Variants in CRACDL observed in about 807,000 individuals in gnomAD.
CRACDL encodes the protein CRACD like, also known as CRACD-like protein.
CRACDL carries 26 observed loss-of-function variants against 70.6 expected under a neutral mutation model. The ratio of observed to expected loss-of-function variants is 0.37; its 90% CI spans 0.27 to 0.51. The LOEUF is 0.51. Ranked by LOEUF, CRACDL falls within the 20% of genes least tolerant of loss-of-function variation. The pLI is 0.94. For synonymous variants in CRACDL, 618 were observed against 615.2 expected (o/e 1.00, Z -0.07); for missense variants, 1,283 against 1,376.9 (o/e 0.93, Z 1.08).
intron 1 of CRACDL, among the ~76,000 whole-genome samples, chr2:98,920,978 T>G (rs1708788407): frequency 6.6e-6 from 1 of 152,150 alleles, no homozygotes; most frequent in East Asian, 1.9e-4. Context: ...CAGGAAGACA[T>G]GAGGCTGAGG....
intron 1 of CRACDL, among the ~76,000 whole-genome samples, chr2:98,871,701 C>T (rs1215075868): frequency 6.6e-6 from 1 of 152,196 alleles, no homozygotes; most frequent in East Asian, 1.9e-4. Context: ...ATAACAGTGT[C>T]CTGGAAACAT....
At chr2:98,856,826 C>T (rs1706719865) in intron 1 of CRACDL, among the ~76,000 whole-genome samples, 2 of 152,096 alleles carry the variant, frequency 1.3e-5, no homozygotes, top group African/African-American at 4.8e-5. Flanking sequence ...AAGGATGGTC[C>T]CTGCAACAAG....
intron 1 of CRACDL, among the ~76,000 whole-genome samples, chr2:98,849,582 G>A (rs1014874749): frequency 3.9e-5 from 6 of 151,992 alleles, no homozygotes; most frequent in African/African-American, 1.2e-4. Flanking sequence ...CGGGGAGGGG[G>A]GAGCATGGGA....
chr2:98,916,201 C>T (rs534942108), intron 1 of CRACDL, among the ~76,000 whole-genome samples: 1 of 152,234 alleles, frequency 6.6e-6, no homozygotes, highest in Non-Finnish European at 1.5e-5. Flanking sequence ...ACACACACAA[C>T]TACATGGATG....
intron 1 of CRACDL, among the ~76,000 whole-genome samples, chr2:98,872,375 C>G (rs1313473073): frequency 6.6e-6 from 1 of 151,962 alleles, no homozygotes; most frequent in African/African-American, 2.4e-5. Context: ...AAGAAAAGAC[C>G]ACATGTTCTC....
At chr2:98,854,148 A>T (rs1274620155) in intron 1 of CRACDL, among the ~76,000 whole-genome samples, 3 of 151,468 alleles carry the variant, frequency 2.0e-5, no homozygotes, top group African/African-American at 7.3e-5. Context: ...TGGGCGTGGT[A>T]GTGGGCACCT....
chr2:98,841,991 T>A (rs947758676), intron 2 of CRACDL, among the ~76,000 whole-genome samples: 1 of 152,150 alleles, frequency 6.6e-6, no homozygotes, highest in Non-Finnish European at 1.5e-5. Flanking sequence ...AGATTTTTCA[T>A]CCTCTTTGGT....
At chr2:98,934,742 G>T (rs1432801255) in intron 1 of CRACDL, among the ~76,000 whole-genome samples, 2 of 152,138 alleles carry the variant, frequency 1.3e-5, no homozygotes, top group African/African-American at 4.8e-5. Flanking sequence ...ATTTAAGGGG[G>T]TACCAAAAAT....
intron 1 of CRACDL, among the ~76,000 whole-genome samples, chr2:98,872,221 G>T (rs916310795): frequency 1.3e-5 from 2 of 152,184 alleles, no homozygotes; most frequent in Admixed American, 1.3e-4. Context: ...AGCCGGGCGT[G>T]GTGGCACATG....
chr2:98,871,721 T>C (rs1217885881), intron 1 of CRACDL, among the ~76,000 whole-genome samples: 4 of 152,134 alleles, frequency 2.6e-5, no homozygotes, highest in Non-Finnish European at 5.9e-5. Flanking sequence ...TCCTGAAGGC[T>C]CACCAGTAGG....
chr2:98,833,870 C>A (rs959029606), intron 3 of CRACDL, among the ~76,000 whole-genome samples: 3 of 152,222 alleles, frequency 2.0e-5, no homozygotes, highest in African/African-American at 7.2e-5. Flanking sequence ...ACTCCCCTAC[C>A]CTGGGCATCC....
At chr2:98,913,356 G>C (rs887637044) in intron 1 of CRACDL, among the ~76,000 whole-genome samples, 1 of 152,170 alleles carries the variant, frequency 6.6e-6, no homozygotes, top group African/African-American at 2.4e-5. Flanking sequence ...GAAGAGAGCT[G>C]GCAAAGCTAC....
chr2:98,823,183 G>C lies in CRACDL; in HGVS notation c.1090C>G (p.Pro364Ala). Residue 364 changes from proline (P) to alanine (A), a missense_variant, in exon 7 of 10, where the codon CCC becomes GCC. By Grantham distance (27) the Pro-to-Ala change is conservative. Around this residue, in one of 2 missense-constraint regions of CRACDL, gnomAD observed 921 missense variants for 881.9 expected, o/e 1.04. Coordinates refer to ENST00000397899, the MANE Select transcript of CRACDL (RefSeq NM_207362.3). This position sits in a 1 kb window ranked among gnomAD's most constrained non-coding sequence, Gnocchi z 4.0. ...PPSPPEGPPN[P>A]GPDGGKQDGE... ...TCCTGCTTTCCGCCGTCGGGACCGG[G>C]ATTCGGGGGGCCCTCCGGCGGGGAC... 2 of 1,497,344 alleles carry C rather than the reference G, an allele frequency of 1.3e-6. No individual in the cohort carries two copies. Among genetic ancestry groups the C allele is most frequent in the Non-Finnish European group, 1.8e-6 (2 of 1,125,292 alleles). 92.8% of individuals were successfully genotyped at this position (1,497,344 alleles called of 1,614,324 possible).
At chr2:98,827,289 G>A (rs1005851121) in intron 5 of CRACDL, 120 bp from the exon 6 acceptor site, 14 of 680,546 alleles carry the variant, frequency 2.1e-5, no homozygotes, top group East Asian at 1.3e-4. Context: ...CTGGCTTTAC[G>A]TGTGTGGAAA....
intron 1 of CRACDL, among the ~76,000 whole-genome samples, chr2:98,871,720 C>T (rs778477448): frequency 1.1e-4 from 17 of 152,186 alleles, no homozygotes; most frequent in African/African-American, 4.8e-5. Context: ...ATCCTGAAGG[C>T]TCACCAGTAG....
chr2:98,842,122 C>A (rs1706054754), intron 2 of CRACDL, among the ~76,000 whole-genome samples: 1 of 152,024 alleles, frequency 6.6e-6, no homozygotes, highest in Non-Finnish European at 1.5e-5. Context: ...CTCAGCCCTT[C>A]TCTCCTCCCG....
chr2:98,907,521 C>G (rs972725574), intron 1 of CRACDL, among the ~76,000 whole-genome samples: 1 of 152,132 alleles, frequency 6.6e-6, no homozygotes, highest in East Asian at 1.9e-4. Context: ...TGCTCAGAAC[C>G]CTCCTCTCCA....
chr2:98,800,774 C>G (rs1306402625), intron 7 of CRACDL, among the ~76,000 whole-genome samples: 1 of 152,236 alleles, frequency 6.6e-6, no homozygotes. Context: ...AACAAACACA[C>G]ACCACAGACT....
At chr2:98,849,206 G>A (rs897953150) in intron 1 of CRACDL, among the ~76,000 whole-genome samples, 1 of 152,210 alleles carries the variant, frequency 6.6e-6, no homozygotes, top group Admixed American at 6.5e-5. Flanking sequence ...GAGGAGCCCC[G>A]AGAGATCATG....
Sources: allele counts gnomAD v4.1 joint callset (sites outside exome capture counted in the v4.1 genomes callset), GRCh38; gene constraint gnomAD v4.1.1; regional missense constraint gnomAD v4.1.1; non-coding constraint Gnocchi (gnomAD v3.1); transcripts MANE v1.5; gene names NCBI Gene and HGNC (gene_info 2026-07-23, HGNC 2026-07-21).